ZFHX3: variants seen among roughly 807,000 people sequenced by gnomAD.
ZFHX3 encodes the protein zinc finger homeobox 3.
ZFHX3 carries 42 observed loss-of-function variants against 279.1 expected under a neutral mutation model. That is an observed-to-expected ratio of 0.15 (90% CI 0.12 to 0.19). The LOEUF (loss-of-function observed/expected upper bound fraction) is 0.19, where lower values mean the gene tolerates loss of function less well. ZFHX3 is among the 10% of genes least tolerant of loss of function. The pLI, the probability that ZFHX3 is intolerant of heterozygous loss-of-function variation, is 1.00. For synonymous variants in ZFHX3, 2,293 were observed against 1,957.8 expected (o/e 1.17, Z -4.52); for missense variants, 4,981 against 4,754.0 (o/e 1.05, Z -1.40).
intron 1 of ZFHX3, among the ~76,000 whole-genome samples, chr16:73,772,315 C>T (rs1030004268): frequency 6.6e-6 from 1 of 152,190 alleles, no homozygotes; most frequent in African/African-American, 2.4e-5. Flanking sequence ...CAAGGCGGAG[C>T]AAGTCACATC....
At chr16:73,444,955 TAAAAAAAAAA>T (rs56235953) in intron 3 of ZFHX3, among the ~76,000 whole-genome samples, 33 of 68,476 alleles carry the variant, frequency 4.8e-4, no homozygotes, top group African/African-American at 1.8e-3. Flanking sequence ...CCATCTATAC[TAAAAAAAAAA>T]AAAAAAAAAA....
At chr16:72,843,009 A>G (rs1242285156) in intron 4 of ZFHX3, among the ~76,000 whole-genome samples, 5 of 152,210 alleles carry the variant, frequency 3.3e-5, no homozygotes, top group Non-Finnish European at 5.9e-5. Flanking sequence ...AGAAAATATA[A>G]AAAGGATAAC....
At chr16:72,931,607 G>C (rs1959812118) in intron 3 of ZFHX3, among the ~76,000 whole-genome samples, 1 of 151,426 alleles carries the variant, frequency 6.6e-6, no homozygotes, top group Non-Finnish European at 1.5e-5. Flanking sequence ...GAAAAATTTT[G>C]GAATATTTTA....
At chr16:73,682,906 G>GAAAGAAAGAAAGAA (rs1323501382) in intron 1 of ZFHX3, among the ~76,000 whole-genome samples, 1 of 28,704 alleles carries the variant, frequency 3.5e-5, no homozygotes, top group African/African-American at 8.2e-5. Flanking sequence ...AAGAAAGAAA[G>GAAAGAAAGAAAGAA]AGAAAGAAAG....
At chr16:73,308,001 A>G (rs1409366797) in intron 4 of ZFHX3, among the ~76,000 whole-genome samples, 1 of 151,940 alleles carries the variant, frequency 6.6e-6, no homozygotes, top group Non-Finnish European at 1.5e-5. Context: ...GATTTCTGCA[A>G]CCTATGCTAA....
intron 3 of ZFHX3, among the ~76,000 whole-genome samples, chr16:73,418,415 G>A (rs1402437934): frequency 1.3e-5 from 2 of 152,248 alleles, no homozygotes; most frequent in African/African-American, 4.8e-5. Context: ...TGAGAAGTGG[G>A]TACCCAGGGA....
At chr16:73,097,828 AATATT>A (rs1287544315) in intron 7 of ZFHX3, among the ~76,000 whole-genome samples, 2 of 152,198 alleles carry the variant, frequency 1.3e-5, no homozygotes, top group Non-Finnish European at 2.9e-5. Context: ...GGCGCTGTAC[AATATT>A]TGTCCCTTTG....
At chr16:73,663,192 CTA>C (rs1480959274) in intron 2 of ZFHX3, among the ~76,000 whole-genome samples, 1 of 152,226 alleles carries the variant, frequency 6.6e-6, no homozygotes, top group African/African-American at 2.4e-5. Context: ...TTCTCCTTGA[CTA>C]TTTTTCCTTT....
chr16:72,973,350 C>G (rs1266128742), intron 1 of ZFHX3: 1 of 152,236 alleles, frequency 6.6e-6, no homozygotes, highest in Non-Finnish European at 1.5e-5. Context: ...CAAACTGAAA[C>G]TCTCCAGAGC....
At chr16:73,214,244 T>C (rs1171698220) in intron 5 of ZFHX3, among the ~76,000 whole-genome samples, 2 of 152,162 alleles carry the variant, frequency 1.3e-5, no homozygotes, top group African/African-American at 4.8e-5. Flanking sequence ...GCCTAAACTG[T>C]AGCTTACACA....
rs536589983 is a variant in ZFHX3 at position 73,300,647 on chromosome 16, G to A, written c.-1194+17593C>T. ...GCCTCCCGCGAAGCTGGGATTACAG[G>A]CGCCTGCCACCATGCCCGGCTAATT... is the stretch of plus-strand genomic sequence containing the variant. On this transcript the variant is annotated intron_variant, in intron 4 of 17. Transcript: ENST00000641206. 3.3e-5 allele frequency among the ~76,000 whole-genome samples: 5 copies of A among 152,386 alleles called. No individual in the cohort carries two copies. In the South Asian group the frequency reaches 1.0e-3, roughly 32 times the overall value.
chr16:73,251,916 A>ACACACG (rs1264891245), intron 5 of ZFHX3, among the ~76,000 whole-genome samples: 10 of 142,194 alleles, frequency 7.0e-5, no homozygotes, highest in African/African-American at 2.4e-4. Flanking sequence ...CACACACCAC[A>ACACACG]CACACACCAT....
upstream of ZFHX3, among the ~76,000 whole-genome samples, chr16:73,063,947 G>T (rs928427649): frequency 1.3e-5 from 2 of 152,082 alleles, no homozygotes; most frequent in Admixed American, 1.3e-4. Context: ...TGTCCGGCCC[G>T]CCAGGTTGAG....
chr16:73,228,116 A>G (rs1334928860), intron 5 of ZFHX3, among the ~76,000 whole-genome samples: 1 of 152,188 alleles, frequency 6.6e-6, no homozygotes, highest in Non-Finnish European at 1.5e-5. Context: ...TCTGGCTCCT[A>G]TACAAGTACT....
intron 1 of ZFHX3, among the ~76,000 whole-genome samples, chr16:73,737,979 G>A (rs1177656172): frequency 2.0e-5 from 3 of 152,060 alleles, no homozygotes; most frequent in Admixed American, 1.3e-4. Flanking sequence ...TGGGGGAGGA[G>A]GTCAAAACTA....
chr16:73,284,835 G>C (rs58466235), intron 4 of ZFHX3, among the ~76,000 whole-genome samples: 17 of 151,948 alleles, frequency 1.1e-4, no homozygotes, highest in African/African-American at 4.1e-4. Context: ...TTTTTTCCCA[G>C]GGTGCTTTGT....
At chr16:73,806,922 C>CA (rs1960292415) in intron 1 of ZFHX3, among the ~76,000 whole-genome samples, 1 of 152,114 alleles carries the variant, frequency 6.6e-6, no homozygotes, top group Non-Finnish European at 1.5e-5. Context: ...GAGGCTAACT[C>CA]AAGGGAATGC....
chr16:73,727,821 G>A (rs1318609538), intron 1 of ZFHX3, among the ~76,000 whole-genome samples: 3 of 152,158 alleles, frequency 2.0e-5, no homozygotes, highest in Non-Finnish European at 4.4e-5. Context: ...TGGGGTTCCA[G>A]TTGAACCATC....
Position 72,967,974 on chromosome 16 carries a change from A to C in ZFHX3, c.-49-7780T>G, listed in dbSNP as rs144203846. Among the ~76,000 whole-genome samples, 1,361 of 150,784 alleles carry C rather than the reference A, an allele frequency of 9.0e-3. 18 individuals are homozygous for C. Among genetic ancestry groups the C allele is most frequent in the African/African-American group, 0.031 (1,266 of 41,072 alleles). ...ATACTAACAGGATATTTACAATCTC[A>C]AAGTCTCTCCCCACAGGATACTTCT... On this transcript the variant is annotated intron_variant, in intron 1 of 9. Coordinates refer to ENST00000268489, the MANE Select transcript of ZFHX3 (RefSeq NM_006885.4).
Sources: gnomAD v4.1 joint callset for allele counts (sites outside exome capture counted in the v4.1 genomes callset) on GRCh38, gnomAD v4.1.1 for gene constraint, MANE v1.5 for transcripts, NCBI Gene and HGNC (gene_info 2026-07-23, HGNC 2026-07-21) for gene names.